FAM185A: variants seen among roughly 807,000 people sequenced by gnomAD.
FAM185A encodes the protein family with sequence similarity 185 member A, also known as protein FAM185A.
In FAM185A, 21 loss-of-function variants were observed where a neutral mutation model predicts 45.7. The observed-to-expected ratio is 0.46, with a 90% CI of 0.33 to 0.66. The LOEUF (loss-of-function observed/expected upper bound fraction) is 0.66, where lower values mean the gene tolerates loss of function less well. Among genes scored for constraint, FAM185A ranks in the 30% least tolerant of loss-of-function variants. FAM185A has a pLI of 0.03. For synonymous variants in FAM185A, 117 were observed against 194.0 expected (o/e 0.60, Z 3.30); for missense variants, 305 against 485.4 (o/e 0.63, Z 3.49).
Position 102,776,016 on chromosome 7 carries a change from G to A in FAM185A, c.836-1237G>A, listed in dbSNP as rs191470993. 2.4e-4 allele frequency among the ~76,000 whole-genome samples: 36 copies of A among 151,720 alleles called. No homozygotes were observed. The South Asian group carries it at 4.0e-3, about 17-fold the overall frequency. ...AATTATTATAAATGATCTTGGAGCC[G>A]CATTTTAAACAGTTTATTCCAAATT... On this transcript the variant is annotated intron_variant, in intron 5 of 7. Transcript: ENST00000413034.
At chr7:102,765,561 A>C (rs1339984459) in intron 4 of FAM185A, among the ~76,000 whole-genome samples, 1 of 152,062 alleles carries the variant, frequency 6.6e-6, no homozygotes, top group African/African-American at 2.4e-5. Context: ...AATGAGGAAA[A>C]GAGTAATGAA....
At chr7:102,789,272 G>A (rs950883493) in intron 7 of FAM185A, among the ~76,000 whole-genome samples, 3 of 151,836 alleles carry the variant, frequency 2.0e-5, no homozygotes, top group South Asian at 4.2e-4. Flanking sequence ...GTGTACTACC[G>A]TTCTCAGCTA....
intron 6 of FAM185A, 64 bp downstream of exon 6, chr7:102,777,412 A>G (rs1795133822): frequency 9.4e-7 from 1 of 1,067,810 alleles, no homozygotes; most frequent in Non-Finnish European, 1.3e-6. Context: ...AACACTCAGG[A>G]AACAGATGGT....
the FAM185A span, among the ~76,000 whole-genome samples, chr7:102,815,267 T>C: frequency 6.6e-6 from 1 of 152,224 alleles, no homozygotes; most frequent in Non-Finnish European, 1.5e-5. Context: ...TTCTATTACA[T>C]AGCTTCAGGG....
chr7:102,755,057 A>G, intron 2 of FAM185A: 1 of 383,152 alleles, frequency 2.6e-6, no homozygotes, highest in Non-Finnish European at 4.6e-6. Flanking sequence ...CATGTCTATG[A>G]AATTTTACTT....
At chr7:102,786,176 A>G (rs1795781343) in intron 6 of FAM185A, among the ~76,000 whole-genome samples, 2 of 152,148 alleles carry the variant, frequency 1.3e-5, no homozygotes, top group Admixed American at 1.3e-4. Flanking sequence ...AAAAGTCAGG[A>G]AACAACAGGT....
At chr7:102,846,995 G>T in the FAM185A span, among the ~76,000 whole-genome samples, 1 of 151,998 alleles carries the variant, frequency 6.6e-6, no homozygotes, top group South Asian at 2.1e-4. Flanking sequence ...AGCAACAGAA[G>T]AATAATATTT....
chr7:102,826,651 G>A, the FAM185A span, among the ~76,000 whole-genome samples: 1 of 145,376 alleles, frequency 6.9e-6, no homozygotes, highest in Non-Finnish European at 1.5e-5. Context: ...CTTGAGCCTG[G>A]GAGGTTGAGG....
intron 4 of FAM185A, among the ~76,000 whole-genome samples, chr7:102,766,119 C>T (rs530704761): frequency 5.5e-4 from 84 of 151,924 alleles, no homozygotes; most frequent in African/African-American, 2.0e-3. Context: ...AAATGGTTTG[C>T]TAGGATTGGT....
chr7:102,829,281 G>A, the FAM185A span, among the ~76,000 whole-genome samples: 1 of 152,206 alleles, frequency 6.6e-6, no homozygotes, highest in Non-Finnish European at 1.5e-5. Context: ...TCTGCTTCAT[G>A]AAGCTTTTTG....
intron 7 of FAM185A, among the ~76,000 whole-genome samples, chr7:102,790,441 T>G (rs1456384092): frequency 1.3e-5 from 2 of 152,246 alleles, no homozygotes; most frequent in Non-Finnish European, 2.9e-5. Flanking sequence ...CAACTTGTGA[T>G]CTAATGCTTG....
chr7:102,796,024 G>A (rs1428012754), intron 7 of FAM185A, among the ~76,000 whole-genome samples: 9 of 151,952 alleles, frequency 5.9e-5, no homozygotes, highest in South Asian at 2.1e-4. Flanking sequence ...AGAAATTCAC[G>A]CAGAGCTGGC....
At chr7:102,823,598 G>A in the FAM185A span, among the ~76,000 whole-genome samples, 2 of 152,172 alleles carry the variant, frequency 1.3e-5, no homozygotes, top group African/African-American at 4.8e-5. Context: ...TCCAGGATAA[G>A]CTTTCAAATT....
chr7:102,835,289 C>T, the FAM185A span, among the ~76,000 whole-genome samples: 3 of 152,190 alleles, frequency 2.0e-5, no homozygotes, highest in Non-Finnish European at 4.4e-5. Context: ...CAGGAGATAG[C>T]TTGGGACCTG....
the FAM185A span, among the ~76,000 whole-genome samples, chr7:102,831,431 A>ACACACACCCCCCC: frequency 7.4e-4 from 109 of 147,214 alleles, no homozygotes; most frequent in African/African-American, 2.6e-3. Flanking sequence ...ACACACACAC[A>ACACACACCCCCCC]CCCCACTACA....
At chr7:102,779,848 A>G (rs1437338309) in intron 6 of FAM185A, 6 of 107,626 alleles carry the variant, frequency 5.6e-5, no homozygotes, top group South Asian at 3.5e-4. Flanking sequence ...CACCACACCC[A>G]GCTTTTTTTT....
intron 7 of FAM185A, among the ~76,000 whole-genome samples, chr7:102,797,872 G>A (rs1482337995): frequency 6.6e-6 from 1 of 152,210 alleles, no homozygotes; most frequent in African/African-American, 2.4e-5. Flanking sequence ...AGGGTTAGAA[G>A]TGGGAGTGGG....
At chr7:102,777,532 G>A (rs34560354) in intron 6 of FAM185A, among the ~76,000 whole-genome samples, 184 bp downstream of exon 6, 14,664 of 120,316 alleles carry the variant, frequency 0.12, no homozygotes, top group Non-Finnish European at 0.16. Flanking sequence ...ACAACTTTTG[G>A]GATAGATGGC....
At position 102,777,140 on chromosome 7, in the gene FAM185A, T is replaced by A; in HGVS notation, c.836-113T>A. On this transcript the variant is annotated intron_variant, in intron 5 of 7. Transcript: ENST00000413034. ...TTGTTATGAGGAAAATACTAAACCT[T>A]GCAAGATTCTTAGCCCCTTATCCTA... is the stretch of plus-strand genomic sequence containing the variant. The A allele has an allele frequency of 3.5e-6, 4 of 1,158,562 alleles. No homozygotes were observed. The South Asian group carries it at 6.1e-5, about 18-fold the overall frequency. 71.8% of individuals were successfully genotyped at this position (1,158,562 alleles called of 1,614,324 possible).
Sources: gnomAD v4.1 joint callset for allele counts (sites outside exome capture counted in the v4.1 genomes callset) on GRCh38, gnomAD v4.1.1 for gene constraint, MANE v1.5 for transcripts, NCBI Gene and HGNC (gene_info 2026-07-23, HGNC 2026-07-21) for gene names.